The following DEDD variants were observed in gnomAD, a reference collection of about 807,000 sequenced individuals.
DEDD encodes death effector domain-containing protein.
In DEDD, 3 loss-of-function variants were observed where a neutral mutation model predicts 29.2. That is an observed-to-expected ratio of 0.10 (90% CI 0.05 to 0.27). The LOEUF is 0.27. Among genes scored for constraint, DEDD ranks in the 10% least tolerant of loss-of-function variants. The pLI is 1.00. For synonymous variants in DEDD, 152 were observed against 161.3 expected (o/e 0.94, Z 0.44); for missense variants, 261 against 420.5 (o/e 0.62, Z 3.32).
rs768620883 is a variant in DEDD at position 161,123,090 on chromosome 1, C to G, written c.565G>C (p.Glu189Gln). Residue 189 changes from glutamate to glutamine, a missense_variant, in exon 5 of 6, where the codon GAG becomes CAG. Coordinates refer to ENST00000368006, the MANE Select transcript of DEDD (RefSeq NM_032998.3). ...ACTTCCTCACCACATGTCTGCTTCTCCTTGGGATCTGGTGTCACTGACTTC... is the reference window on the plus strand; with the variant it reads ...ACTTCCTCACCACATGTCTGCTTCTGCTTGGGATCTGGTGTCACTGACTTC... The part of the protein sequence containing the change: ...RRKSVTPDPK[E>Q]KQTCDIRLRV... The G allele has an allele frequency of 3.1e-6, 5 of 1,614,106 alleles. No individual in the cohort carries two copies. The highest frequency in any genetic ancestry group is 8.5e-7 in the Non-Finnish European group (1 of 1,180,062).
At chr1:161,131,793 G>T (rs1274773807) in intron 1 of DEDD, among the ~76,000 whole-genome samples, 2 of 151,824 alleles carry the variant, frequency 1.3e-5, no homozygotes, top group Non-Finnish European at 1.5e-5. Flanking sequence ...ATTAGAATTG[G>T]CTGCAACTGA....
Position 161,123,855 on chromosome 1 carries a change from G to A in DEDD, c.417C>T (p.Pro139=), listed in dbSNP as rs745649711. The A allele has an allele frequency of 6.2e-7, 1 of 1,613,752 alleles. No homozygotes were observed. Among genetic ancestry groups the A allele is most frequent in the Non-Finnish European group, 8.5e-7 (1 of 1,179,942 alleles). The change falls in exon 4 of 6, where the codon CCC becomes CCT. Residue 139 remains proline (P), a synonymous_variant. Transcript: ENST00000368006. ...TCTTCTCACCTGTTTTAGAGGGCTG[G>A]GGAGGCCTTGGTTCTGGATCACTGA... is the stretch of plus-strand genomic sequence containing the variant. ...RALSDPEPRP[P]QPSKTVPPHY...
rs778267920 is a variant in DEDD, at chr1:161,124,480, G to A, written c.-18C>T. 1.3e-5 allele frequency: 21 copies of A among 1,586,480 alleles called. 1 individual carries two copies. The Admixed American group carries it at 2.7e-4, about 21-fold the overall frequency. ...CCCGCCATGCTGGGGGCTCAGGTAC[G>A]CAATGCTTTCCAGAATCCCTGCTCA... On this transcript the variant is annotated 5_prime_UTR_variant, in exon 3 of 6. Transcript: ENST00000368006.
chr1:161,126,532 C>T (rs1013276219), intron 2 of DEDD, among the ~76,000 whole-genome samples: 7 of 151,736 alleles, frequency 4.6e-5, no homozygotes, highest in East Asian at 3.9e-4. Context: ...TTAGTAGAGA[C>T]GGGGTTTCAC....
intron 2 of DEDD, among the ~76,000 whole-genome samples, chr1:161,129,679 A>G (rs2101763659): frequency 6.6e-6 from 1 of 152,352 alleles, no homozygotes; most frequent in East Asian, 1.9e-4. Context: ...TAAAACATAC[A>G]GAGATTCTAG....
Position 161,122,955 on chromosome 1 carries a change from CTT to C in DEDD, c.580+118_580+119del. ...CCAGACACCAAACCATTCAGCCTCA[CTT>C]TGCAATGGCAATCAAAGTGAATCTC... On this transcript the variant is annotated intron_variant, in intron 5 of 5. Transcript: ENST00000368006. The surrounding 1 kb of genome is among the most constrained non-coding windows in gnomAD (Gnocchi z 4.2). 1 of 1,597,196 alleles carries C rather than the reference CTT, an allele frequency of 6.3e-7. No homozygotes were observed. Among genetic ancestry groups the C allele is most frequent in the South Asian group, 1.1e-5 (1 of 90,764 alleles).
Position 161,122,872 on chromosome 1 carries a change from T to C in DEDD, c.580+203A>G. On this transcript the variant is annotated intron_variant, in intron 5 of 5. Coordinates refer to ENST00000368006, the MANE Select transcript of DEDD (RefSeq NM_032998.3). The surrounding 1 kb of genome is among the most constrained non-coding windows in gnomAD (Gnocchi z 4.2). ...TCATAACAACATCCCTGTGATGTAG[T>C]ATTAACTAACAAGAGTTGAAATGTA... 1.1e-6 allele frequency: 1 copy of C among 930,348 alleles called. No individual in the cohort carries two copies. The highest frequency in any genetic ancestry group is 1.7e-6 in the Non-Finnish European group (1 of 600,280). The allele number at this position is 930,348 out of a possible 1,614,324, so 57.6% of individuals were successfully genotyped here. A position where few individuals can be genotyped will look rare whatever the true frequency, so the allele number is the denominator to read the frequency against.
chr1:161,123,267 G>C (rs761469811), intron 4 of DEDD, 46 bp from the exon 5 acceptor site: 16 of 1,555,872 alleles, frequency 1.0e-5, no homozygotes, highest in Non-Finnish European at 1.4e-5. Context: ...GGTAAAGGCA[G>C]AAATTCAAAC....
chr1:161,123,883 G>T lies in DEDD; in HGVS notation c.389C>A (p.Ala130Asp). 1.9e-6 allele frequency: 3 copies of T among 1,614,042 alleles called. No homozygotes were observed. Among genetic ancestry groups the T allele is most frequent in the Non-Finnish European group, 2.5e-6 (3 of 1,180,008 alleles). The change falls in exon 4 of 6, where the codon GCC becomes GAC. Residue 130 changes from alanine to aspartate, a missense_variant. Coordinates refer to ENST00000368006, the MANE Select transcript of DEDD (RefSeq NM_032998.3). ...ETSIRYVTPR[A>D]LSDPEPRPPQ... ...AGGCCTTGGTTCTGGATCACTGAGG[G>T]CTCTGGGGGTCACATAGCGAATTGA... is the stretch of plus-strand genomic sequence containing the variant.
At chr1:161,126,729 AT>A (rs908334023) in intron 2 of DEDD, among the ~76,000 whole-genome samples, 7 of 152,066 alleles carry the variant, frequency 4.6e-5, no homozygotes, top group African/African-American at 1.4e-4. Flanking sequence ...TCCGCTTTTT[AT>A]TCTCTAACAT....
rs768709156 is a variant in DEDD, at chr1:161,123,980, T to C, written c.326-34A>G. On this transcript the variant is annotated intron_variant, in intron 3 of 5. Transcript: ENST00000368006. ...GGAGAAGTAATCATTCAGGAAAATA[T>C]ACACCCTTCCCTTCTGTCAGTCCAA... The C allele has an allele frequency of 7.5e-6, 12 of 1,609,270 alleles. No homozygotes were observed. The Admixed American group carries it at 1.0e-4, about 14-fold the overall frequency.
intron 2 of DEDD, among the ~76,000 whole-genome samples, chr1:161,126,650 C>G (rs1656208457): frequency 6.6e-6 from 1 of 152,034 alleles, no homozygotes; most frequent in Admixed American, 6.6e-5. Flanking sequence ...CCGAACACTC[C>G]AAATTCTTTA....
At chr1:161,131,529 G>A (rs1000495381) in intron 1 of DEDD, among the ~76,000 whole-genome samples, 2 of 151,926 alleles carry the variant, frequency 1.3e-5, no homozygotes, top group Non-Finnish European at 2.9e-5. Flanking sequence ...TAGCATATAG[G>A]GTTCCAATAT....
intron 2 of DEDD, among the ~76,000 whole-genome samples, chr1:161,129,593 A>G (rs1656505784): frequency 6.6e-6 from 1 of 152,144 alleles, no homozygotes; most frequent in African/African-American, 2.4e-5. Flanking sequence ...AAAATTAGAA[A>G]AGAAAACATG....
chr1:161,123,342 T>C, intron 4 of DEDD, 121 bp from the exon 5 acceptor site: 2 of 1,023,168 alleles, frequency 2.0e-6, no homozygotes, highest in Admixed American at 4.6e-5. Flanking sequence ...AAAATGTGAC[T>C]TGAAAAGACA....
At chr1:161,129,757 T>C (rs1160012463) in intron 2 of DEDD, among the ~76,000 whole-genome samples, 1 of 152,190 alleles carries the variant, frequency 6.6e-6, no homozygotes, top group Non-Finnish European at 1.5e-5. Context: ...AACTCAAGTC[T>C]TGGTATCTGA....
rs745348520 is a variant in DEDD at position 161,122,125 on chromosome 1, C to A, written c.*22G>T. ...AGAGGTGGGTGATGGGAACAGTCCC[C>A]AAAGTGAGAAGAGGGAATAGGTCAG... is the stretch of plus-strand genomic sequence containing the variant. On this transcript the variant is annotated 3_prime_UTR_variant, in exon 6 of 6. Transcript: ENST00000368006. This position sits in a 1 kb window ranked among gnomAD's most constrained non-coding sequence, Gnocchi z 4.2. 4 of 1,610,286 alleles carry A rather than the reference C, an allele frequency of 2.5e-6. No individual in the cohort carries two copies. The highest frequency in any genetic ancestry group is 3.4e-6 in the Non-Finnish European group (4 of 1,178,686).
At chr1:161,129,397 C>G (rs1432852711) in intron 2 of DEDD, among the ~76,000 whole-genome samples, 4 of 152,006 alleles carry the variant, frequency 2.6e-5, no homozygotes, top group Non-Finnish European at 5.9e-5. Context: ...GAGTTCGAGA[C>G]CAGCCTGAGC....
chr1:161,128,699 A>AT (rs1345512848), intron 2 of DEDD, among the ~76,000 whole-genome samples: 2 of 152,174 alleles, frequency 1.3e-5, no homozygotes, highest in African/African-American at 4.8e-5. Flanking sequence ...GAGAAACCCT[A>AT]TTCTAGGTGG....
Sources: allele counts gnomAD v4.1 joint callset (sites outside exome capture counted in the v4.1 genomes callset), GRCh38; gene constraint gnomAD v4.1.1; non-coding constraint Gnocchi (gnomAD v3.1); transcripts MANE v1.5; gene names NCBI Gene and HGNC (gene_info 2026-07-23, HGNC 2026-07-21).